Variants in METTL15 observed in about 807,000 individuals in gnomAD.
METTL15 encodes the protein methyltransferase 15, mitochondrial 12S rRNA N4-cytidine.
In METTL15, 34 loss-of-function variants were observed where a neutral mutation model predicts 38.3. That is an observed-to-expected ratio of 0.89 (90% CI 0.68 to 1.18). METTL15 has a LOEUF of 1.18. METTL15 is among the 50% of genes most tolerant of loss of function. METTL15 has a pLI of 0.00. For synonymous variants in METTL15, 162 were observed against 170.9 expected (o/e 0.95, Z 0.41); for missense variants, 438 against 498.4 (o/e 0.88, Z 1.15).
At chr11:28,526,353 T>C (rs1564956794) in intron 6 of METTL15, 1 of 153,118 alleles carries the variant, frequency 6.5e-6, no homozygotes, top group Non-Finnish European at 1.5e-5. Flanking sequence ...CTCTCAGTTA[T>C]AGAGAGAATT....
intron 5 of METTL15, among the ~76,000 whole-genome samples, chr11:28,422,579 A>G (rs561904377): frequency 6.6e-6 from 1 of 152,204 alleles, no homozygotes; most frequent in South Asian, 2.1e-4. Context: ...AAAGGTGCCA[A>G]GAACATACAC....
chr11:28,114,137 G>C (rs1851842187), intron 3 of METTL15, among the ~76,000 whole-genome samples: 1 of 152,098 alleles, frequency 6.6e-6, no homozygotes, highest in African/African-American at 2.4e-5. Context: ...ACTCGCCATT[G>C]ACATCCTTCC....
At chr11:28,385,406 T>C (rs767265088) in intron 5 of METTL15, among the ~76,000 whole-genome samples, 11 of 152,114 alleles carry the variant, frequency 7.2e-5, no homozygotes, top group Non-Finnish European at 1.0e-4. Context: ...GGAGTCTTTT[T>C]TCCACTGCTT....
Position 28,166,860 on chromosome 11 carries a change from A to G in METTL15, c.271-44202A>G, listed in dbSNP as rs548814018. 1.2e-3 allele frequency among the ~76,000 whole-genome samples: 176 copies of G among 152,300 alleles called. 2 individuals carry two copies. The highest frequency in any genetic ancestry group is 2.1e-3 in the Non-Finnish European group (140 of 68,008). ...GCTACTCCGGAGCCTGTGGCAGGAG[A>G]ATCACTTGAACCTGGGAGGTGGAAG... On this transcript the variant is annotated intron_variant, in intron 3 of 6. Coordinates refer to ENST00000407364, the MANE Select transcript of METTL15 (RefSeq NM_001113528.2).
chr11:28,270,176 A>T (rs1277100025), intron 4 of METTL15, among the ~76,000 whole-genome samples: 1 of 152,184 alleles, frequency 6.6e-6, no homozygotes, highest in Non-Finnish European at 1.5e-5. Flanking sequence ...AAATTTTTAT[A>T]TAATTTTTAA....
chr11:28,307,476 T>A (rs976409724), intron 6 of METTL15, among the ~76,000 whole-genome samples: 5 of 151,996 alleles, frequency 3.3e-5, no homozygotes, highest in African/African-American at 1.2e-4. Flanking sequence ...AGAAGGCCTT[T>A]TAATCAACTA....
At chr11:28,113,018 T>C (rs1041118961) in intron 2 of METTL15, among the ~76,000 whole-genome samples, 52 of 152,310 alleles carry the variant, frequency 3.4e-4, no homozygotes, top group Non-Finnish European at 6.8e-4. Context: ...CATAAAAATG[T>C]TGACCTAATA....
chr11:28,432,878 C>G (rs532955035), intron 6 of METTL15, among the ~76,000 whole-genome samples: 9 of 151,818 alleles, frequency 5.9e-5, no homozygotes, highest in African/African-American at 2.2e-4. Context: ...TCTTTCTTAG[C>G]AACAAACTCC....
chr11:28,417,042 G>T (rs1003127510), intron 5 of METTL15, among the ~76,000 whole-genome samples: 4 of 152,158 alleles, frequency 2.6e-5, no homozygotes, highest in African/African-American at 9.7e-5. Context: ...CACCACTGTG[G>T]ATTTATTAAT....
intron 5 of METTL15, among the ~76,000 whole-genome samples, chr11:28,418,090 C>A (rs1850788733): frequency 6.6e-6 from 1 of 152,036 alleles, no homozygotes. Flanking sequence ...GTTTTTCTGT[C>A]CTCTTCATCA....
At chr11:28,188,629 G>T (rs1851592468) in intron 3 of METTL15, among the ~76,000 whole-genome samples, 1 of 151,208 alleles carries the variant, frequency 6.6e-6, no homozygotes, top group Non-Finnish European at 1.5e-5. Flanking sequence ...TATCGTATCA[G>T]TTTCAAAGCT....
intron 4 of METTL15, among the ~76,000 whole-genome samples, chr11:28,260,183 A>G (rs1402285744): frequency 6.6e-6 from 1 of 152,196 alleles, no homozygotes; most frequent in Non-Finnish European, 1.5e-5. Flanking sequence ...TGTACTAAGA[A>G]CATATCAGTT....
Position 28,244,710 on chromosome 11 carries a change from A to C in METTL15, c.407+33512A>C, listed in dbSNP as rs191803898. 4.6e-5 allele frequency among the ~76,000 whole-genome samples: 7 copies of C among 152,332 alleles called. No homozygotes were observed. The East Asian group carries it at 7.7e-4, about 17-fold the overall frequency. Reference sequence around the variant, plus strand: ...GGAATATTCTGGGACAAAGGTATACACTTTTAATGAGAGGATTATATGCAG... The same window carrying C: ...GGAATATTCTGGGACAAAGGTATACCCTTTTAATGAGAGGATTATATGCAG... On this transcript the variant is annotated intron_variant, in intron 4 of 6. Coordinates refer to ENST00000407364, the MANE Select transcript of METTL15 (RefSeq NM_001113528.2).
intron 6 of METTL15, among the ~76,000 whole-genome samples, chr11:28,430,869 C>CT (rs1850918182): frequency 9.7e-6 from 1 of 103,316 alleles, no homozygotes; most frequent in African/African-American, 3.7e-5. Flanking sequence ...GTCAGCCCCC[C>CT]GCCCGGCCAG....
At chr11:28,382,861 A>G (rs1310675466) in intron 5 of METTL15, among the ~76,000 whole-genome samples, 5 of 151,518 alleles carry the variant, frequency 3.3e-5, no homozygotes, top group Admixed American at 3.3e-4. Flanking sequence ...AAGTTCAATT[A>G]TCTTATGCCT....
intron 5 of METTL15, among the ~76,000 whole-genome samples, chr11:28,375,229 T>C (rs1481949276): frequency 1.5e-5 from 2 of 135,232 alleles, no homozygotes; most frequent in African/African-American, 5.6e-5. Context: ...TGGAATAGTT[T>C]CAGAAGGAAT....
At chr11:28,497,092 A>G (rs1414513059) in intron 6 of METTL15, among the ~76,000 whole-genome samples, 1 of 152,230 alleles carries the variant, frequency 6.6e-6, no homozygotes, top group Non-Finnish European at 1.5e-5. Flanking sequence ...TGACTTAACA[A>G]CTGGGGAATA....
chr11:28,122,367 GTGTGTATATA>G (rs1171537279), intron 3 of METTL15, among the ~76,000 whole-genome samples: 3 of 59,626 alleles, frequency 5.0e-5, no homozygotes, highest in African/African-American at 2.8e-4. Flanking sequence ...GTGTGTGTGT[GTGTGTATATA>G]TATATATATA....
intron 4 of METTL15, among the ~76,000 whole-genome samples, chr11:28,267,817 T>G (rs991762762): frequency 1.3e-5 from 2 of 152,306 alleles, no homozygotes; most frequent in East Asian, 3.9e-4. Flanking sequence ...ACAAAGTATG[T>G]GAAAACAAGG....
Sources: allele counts gnomAD v4.1 joint callset (sites outside exome capture counted in the v4.1 genomes callset), GRCh38; gene constraint gnomAD v4.1.1; transcripts MANE v1.5; gene names NCBI Gene and HGNC (gene_info 2026-07-23, HGNC 2026-07-21).